Variants in PLEKHH3 observed in about 807,000 individuals in gnomAD.
PLEKHH3 encodes the protein pleckstrin homology domain-containing family H member 3.
PLEKHH3 carries 57 observed loss-of-function variants against 77.8 expected under a neutral mutation model. That is an observed-to-expected ratio of 0.73 (90% confidence interval 0.59 to 0.91). The LOEUF (loss-of-function observed/expected upper bound fraction) is 0.91, where lower values mean the gene tolerates loss of function less well. PLEKHH3 is among the 40% of genes least tolerant of loss of function. The pLI is 0.00. For missense variants in PLEKHH3, 1,082 were observed against 1,091.2 expected, an observed-to-expected ratio of 0.99 and a Z score of 0.12; for synonymous variants, 467 against 504.8, an observed-to-expected ratio of 0.93 and a Z score of 1.00.
chr17:42,669,710 C>T (rs2052640196), intron 11 of PLEKHH3, 89 bp from the exon 12 acceptor site: 1 of 1,472,008 alleles, frequency 6.8e-7, no homozygotes, highest in African/African-American at 1.4e-5. Flanking sequence ...GCAGGAGTAT[C>T]CTGATCCCCC....
At position 42,669,453 on chromosome 17, in the gene PLEKHH3, G is replaced by A. The variant is rs1207500105; in HGVS notation, c.2182C>T (p.Gln728Ter). The A allele has an allele frequency of 6.4e-7, 1 of 1,561,004 alleles. No individual in the cohort carries two copies. The highest frequency in any genetic ancestry group is 8.7e-7 in the Non-Finnish European group (1 of 1,148,214). ...HTLALRVGES[Q>*]LLLQSPQVEE... ...ACCTGGGGGCTCTGCAGGAGGAGCT[G>A]GCTCTCTCCCACCCTCAAGGCCAGG... The change falls in exon 12 of 13, where the codon CAG (glutamine) becomes TAG (stop). Residue 728 changes from glutamine to a stop codon, truncating the protein, a stop_gained. Coordinates refer to ENST00000591022, the MANE Select transcript of PLEKHH3 (RefSeq NM_024927.5). LOFTEE classifies it high-confidence loss of function.
At chr17:42,669,389 T>C in intron 12 of PLEKHH3, 41 bp downstream of exon 12, 1 of 1,487,772 alleles carries the variant, frequency 6.7e-7, no homozygotes, top group Non-Finnish European at 9.0e-7. Flanking sequence ...CTGACATCGC[T>C]TCCCTTCTCT....
Position 42,670,314 on chromosome 17 carries a change from C to T in PLEKHH3, c.1617G>A (p.Ala539=), listed in dbSNP as rs1407518970. The change falls in exon 11 of 13, where the codon GCG becomes GCA. Residue 539 remains alanine, a synonymous_variant. Coordinates refer to ENST00000591022, the MANE Select transcript of PLEKHH3 (RefSeq NM_024927.5). The part of the protein sequence containing the change: ...PPPDDTLRAL[A]ALRLQSLQRD... ...GCTGCAGGCTCTGCAGGCGCAGCGCCGCCAGGGCGCGCAGCGTGTCGTCGG... is the reference window on the plus strand; with the variant it reads ...GCTGCAGGCTCTGCAGGCGCAGCGCTGCCAGGGCGCGCAGCGTGTCGTCGG... 2 of 1,392,700 alleles carry T rather than the reference C, an allele frequency of 1.4e-6. No individual in the cohort carries two copies. Among genetic ancestry groups the T allele is most frequent in the Non-Finnish European group, 9.2e-7 (1 of 1,081,212 alleles). The allele number at this position is 1,392,700 out of a possible 1,614,324, so 86.3% of individuals were successfully genotyped here.
chr17:42,671,207 G>T lies in PLEKHH3; in HGVS notation c.1285-77C>A, dbSNP rs888703212. On this transcript the variant is annotated intron_variant, in intron 8 of 12. Transcript: ENST00000591022. This position sits in a 1 kb window ranked among gnomAD's most constrained non-coding sequence, Gnocchi z 4.7. ...GGAGGGGTTGATTCAATTGGAAGGGGTCTCTTAGTCCTGTCACCACCACTC... is the reference window on the plus strand; with the variant it reads ...GGAGGGGTTGATTCAATTGGAAGGGTTCTCTTAGTCCTGTCACCACCACTC... 15 of 1,523,700 alleles carry T rather than the reference G, an allele frequency of 9.8e-6. No homozygotes were observed. In the South Asian group the frequency reaches 1.9e-4, roughly 19 times the overall value. 94.4% of individuals were successfully genotyped at this position (1,523,700 alleles called of 1,614,324 possible).
rs376236776 is a variant in PLEKHH3 at position 42,668,223 on chromosome 17, T to C, written c.2286A>G (p.Pro762=). The C allele has an allele frequency of 1.3e-6, 2 of 1,555,378 alleles. No individual in the cohort carries two copies. Among genetic ancestry groups the C allele is most frequent in the African/African-American group, 1.4e-5 (1 of 69,106 alleles). The change falls in exon 13 of 13, where the codon CCA becomes CCG. Residue 762 remains proline (P), a synonymous_variant. Transcript: ENST00000591022. The stretch of plus-strand genomic sequence containing the variant: ...GGGAGGTGTCTGGCAGGTCTTGGCA[T>C]GGAGGAGAAGAGCTGCTGCAGGGCC... ...PERPCSSSSP[P]CQDLPDTSPP...
chr17:42,676,606 G>T lies in PLEKHH3; in HGVS notation c.-43C>A. On this transcript the variant is annotated 5_prime_UTR_variant, in exon 1 of 13. Coordinates refer to ENST00000591022, the MANE Select transcript of PLEKHH3 (RefSeq NM_024927.5). The surrounding 1 kb of genome is among the most constrained non-coding windows in gnomAD (Gnocchi z 6.6). ...GATGGGGGCGCGGGCAGCCGCGGCC[G>T]AGCAGTAGGGGGTCGGAGGAACTGG... is the stretch of plus-strand genomic sequence containing the variant. The T allele has an allele frequency of 6.5e-7, 1 of 1,534,092 alleles. No individual in the cohort carries two copies. Among genetic ancestry groups the T allele is most frequent in the Non-Finnish European group, 8.8e-7 (1 of 1,139,864 alleles).
At chr17:42,675,626 T>C (rs181164262) in intron 1 of PLEKHH3, among the ~76,000 whole-genome samples, 2 of 152,150 alleles carry the variant, frequency 1.3e-5, no homozygotes, top group African/African-American at 4.8e-5. Context: ...TGGGGACCCC[T>C]GCGCGGGGGA....
At chr17:42,668,336 G>A in intron 12 of PLEKHH3, 33 bp from the exon 13 acceptor site, 1 of 1,476,054 alleles carries the variant, frequency 6.8e-7, no homozygotes, top group Non-Finnish European at 8.9e-7. Flanking sequence ...GTGCAACAGG[G>A]GCTGCCAGGT....
chr17:42,674,824 A>T (rs1026391135), intron 1 of PLEKHH3: 4 of 180,964 alleles, frequency 2.2e-5, no homozygotes, highest in African/African-American at 9.4e-5. Flanking sequence ...TCGTTCTGCC[A>T]GGCTCCAAGG....
rs573420186 is a variant in PLEKHH3 at position 42,676,975 on chromosome 17, C to A, written c.-412G>T. On this transcript the variant is annotated 5_prime_UTR_variant, in exon 1 of 13. Coordinates refer to ENST00000591022, the MANE Select transcript of PLEKHH3 (RefSeq NM_024927.5). This position sits in a 1 kb window ranked among gnomAD's most constrained non-coding sequence, Gnocchi z 6.6. ...CGGGGCCCGGGCCGCGCGCGCTGCG[C>A]TCCCTGCAGCCCCGGGACTGGCGCG... 3.5e-5 allele frequency: 6 copies of A among 171,346 alleles called. No individual in the cohort carries two copies. The South Asian group carries it at 7.6e-4, about 22-fold the overall frequency. The allele number at this position is 171,346 out of a possible 1,614,324, so 10.6% of individuals were successfully genotyped here.
chr17:42,668,602 C>T (rs988414658), intron 12 of PLEKHH3: 20 of 187,934 alleles, frequency 1.1e-4, no homozygotes, highest in African/African-American at 4.0e-4. Context: ...GGACTACAGG[C>T]GCCCGCCAAC....
In PLEKHH3 at chr17:42,676,235, G is replaced by T; in HGVS notation, c.162+167C>A. On this transcript the variant is annotated intron_variant, in intron 1 of 12. Coordinates refer to ENST00000591022, the MANE Select transcript of PLEKHH3 (RefSeq NM_024927.5). This position sits in a 1 kb window ranked among gnomAD's most constrained non-coding sequence, Gnocchi z 6.6. ...GGCCCACAGGCACATCCCGAGTAGG[G>T]CTGCTGCTCCGAGAGCTCCCGGGGG... The T allele has an allele frequency of 7.2e-7, 1 of 1,398,240 alleles. No homozygotes were observed. Among genetic ancestry groups the T allele is most frequent in the Non-Finnish European group, 9.4e-7 (1 of 1,063,734 alleles). The allele number at this position is 1,398,240 out of a possible 1,614,324, so 86.6% of individuals were successfully genotyped here.
intron 2 of PLEKHH3, 43 bp downstream of exon 2, chr17:42,674,311 A>T (rs2052773913): frequency 1.3e-6 from 2 of 1,531,220 alleles, no homozygotes; most frequent in Non-Finnish European, 1.8e-6. Flanking sequence ...TCCCGGGAAC[A>T]TGCTGGGGTC....
rs769009302 is a variant in PLEKHH3, at chr17:42,673,520, CTG to C, written c.525_526del (p.His175GlnfsTer13). ...CTGGCGTGGGGAGCAGAGGCGGACA[CTG>C]TGTTTCCGACCAGACACAGTCACTG... On this transcript the variant is annotated frameshift_variant, in exon 5 of 13. Coordinates refer to ENST00000591022, the MANE Select transcript of PLEKHH3 (RefSeq NM_024927.5). LOFTEE classifies it high-confidence loss of function. 1.2e-6 allele frequency: 2 copies of C among 1,601,686 alleles called. No homozygotes were observed. The highest frequency in any genetic ancestry group is 1.7e-5 in the Admixed American group (1 of 58,750).
Sources: allele counts gnomAD v4.1 joint callset (sites outside exome capture counted in the v4.1 genomes callset), GRCh38; gene constraint gnomAD v4.1.1; non-coding constraint Gnocchi (gnomAD v3.1); transcripts MANE v1.5; gene names NCBI Gene and HGNC (gene_info 2026-07-23, HGNC 2026-07-21).